SULT1C3: variants seen among roughly 807,000 people sequenced by gnomAD.
SULT1C3 encodes the protein sulfotransferase family 1C member 3.
A neutral mutation model predicts 28.4 loss-of-function variants in SULT1C3; 31 were observed. The observed-to-expected ratio is 1.09, with a 90% CI of 0.82 to 1.47. SULT1C3 has a LOEUF of 1.47. Among genes scored for constraint, SULT1C3 ranks in the 40% most tolerant of loss-of-function variants. SULT1C3 has a pLI of 0.00. For missense variants in SULT1C3, 307 were observed against 272.5 expected (o/e 1.13, Z -0.89); for synonymous variants, 106 against 92.2 (o/e 1.15, Z -0.86).
intron 2 of SULT1C3, among the ~76,000 whole-genome samples, chr2:108,248,826 C>T (rs184665626): frequency 4.9e-4 from 74 of 152,204 alleles, no homozygotes; most frequent in African/African-American, 1.7e-3. Context: ...TTTGCAGTTG[C>T]TATTAAACTA....
At chr2:108,254,771 A>G (rs1249282686) in intron 4 of SULT1C3, among the ~76,000 whole-genome samples, 1 of 150,038 alleles carries the variant, frequency 6.7e-6, no homozygotes, top group South Asian at 2.1e-4. Flanking sequence ...ATATGTATGT[A>G]TGCATATATA....
downstream of SULT1C3, among the ~76,000 whole-genome samples, chr2:108,260,908 T>G (rs1347079939): frequency 6.6e-6 from 1 of 152,128 alleles, no homozygotes; most frequent in Admixed American, 6.5e-5. Context: ...CATGAGTTTT[T>G]TTGTTTGTTT....
chr2:108,265,272 T>G (rs1244283234), downstream of SULT1C3: 1 of 1,613,936 alleles, frequency 6.2e-7, no homozygotes, highest in Non-Finnish European at 8.5e-7. Flanking sequence ...TATTTTACTG[T>G]GGCCCAAAAT....
rs1276472690 is a variant in SULT1C3 at position 108,258,757 on chromosome 2, C to A, written c.550C>A (p.His184Asn). 1 of 1,612,698 alleles carries A rather than the reference C, an allele frequency of 6.2e-7. No homozygotes were observed. Among genetic ancestry groups the A allele is most frequent in the Non-Finnish European group, 8.5e-7 (1 of 1,179,282 alleles). Residue 184 changes from histidine (H) to asparagine (N), a missense_variant, in exon 6 of 8, where the codon CAT becomes AAT. Transcript: ENST00000681802. ...AGTTGTTGGCGGGTCCTGGTTTGAC[C>A]ATGTGAAAGGATGGTGGGCTGCAAA... ...GKVVGGSWFD[H>N]VKGWWAAKDM...
At position 108,260,877 on chromosome 2, in the gene SULT1C3, T is replaced by C. The variant is rs1344986901; in HGVS notation, c.*197T>C. Among the ~76,000 whole-genome samples the C allele has an allele frequency of 6.6e-6, 1 of 152,098 alleles. No individual in the cohort carries two copies. Among genetic ancestry groups the C allele is most frequent in the Non-Finnish European group, 1.5e-5 (1 of 68,000 alleles). ...TACTCCAGTAAATAAAATAAGAGAA[T>C]TAGAGAGCAGAGTCCGCCTACATGA... On this transcript the variant is annotated 3_prime_UTR_variant, in exon 8 of 8. Coordinates refer to ENST00000681802, the MANE Select transcript of SULT1C3 (RefSeq NM_001320878.2).
At position 108,247,382 on chromosome 2, in the gene SULT1C3, C is replaced by A; in HGVS notation, c.172+16C>A. 1 of 1,511,320 alleles carries A rather than the reference C, an allele frequency of 6.6e-7. No individual in the cohort carries two copies. The highest frequency in any genetic ancestry group is 8.9e-7 in the Non-Finnish European group (1 of 1,125,822). The allele number at this position is 1,511,320 out of a possible 1,614,324, so 93.6% of individuals were successfully genotyped here. A position where few individuals can be genotyped will look rare whatever the true frequency, so the allele number is the denominator to read the frequency against. ...CCAAAGTCAGGTAAGGGTAGCAAAA[C>A]ATAAAAATATTCAATATTTTCACGT... On this transcript the variant is annotated intron_variant, in intron 2 of 7. Coordinates refer to ENST00000681802, the MANE Select transcript of SULT1C3 (RefSeq NM_001320878.2).
rs1676007568 is a variant in SULT1C3 at position 108,260,843 on chromosome 2, C to A, written c.*163C>A. Among the ~76,000 whole-genome samples the A allele has an allele frequency of 6.6e-6, 1 of 152,104 alleles. No individual in the cohort carries two copies. Among genetic ancestry groups the A allele is most frequent in the South Asian group, 2.1e-4 (1 of 4,824 alleles). ...ATTAAAACATGATTTAAAATATCAA[C>A]AAACCAGTTACTCCAGTAAATAAAA... On this transcript the variant is annotated 3_prime_UTR_variant, in exon 8 of 8. Coordinates refer to ENST00000681802, the MANE Select transcript of SULT1C3 (RefSeq NM_001320878.2).
At chr2:108,241,569 T>G (rs1675460898) in intron 1 of SULT1C3, among the ~76,000 whole-genome samples, 1 of 152,238 alleles carries the variant, frequency 6.6e-6, no homozygotes, top group Admixed American at 6.5e-5. Flanking sequence ...TGCTTGATAT[T>G]TAAGGAACAA....
At chr2:108,264,729 C>CT, downstream of SULT1C3, 2 of 1,230,984 alleles carry the variant, frequency 1.6e-6, no homozygotes, top group Non-Finnish European at 2.3e-6. Context: ...TCAAATGATC[C>CT]TTTAACTCAT....
At chr2:108,251,200 G>A (rs966892784) in intron 2 of SULT1C3, among the ~76,000 whole-genome samples, 1 of 151,982 alleles carries the variant, frequency 6.6e-6, no homozygotes, top group East Asian at 1.9e-4. Flanking sequence ...TGATTTATGA[G>A]GGAAAGTTCT....
intron 1 of SULT1C3, among the ~76,000 whole-genome samples, chr2:108,243,603 G>T (rs1053497896): frequency 6.7e-6 from 1 of 150,170 alleles, no homozygotes; most frequent in African/African-American, 2.5e-5. Flanking sequence ...TGCACTCCAG[G>T]CTGGGTGACA....
At chr2:108,255,206 T>C (rs1675837945) in intron 4 of SULT1C3, among the ~76,000 whole-genome samples, 1 of 152,036 alleles carries the variant, frequency 6.6e-6, no homozygotes. Context: ...CACCATTTCA[T>C]GGCCCATTCC....
intron 1 of SULT1C3, among the ~76,000 whole-genome samples, chr2:108,242,634 T>C (rs1386086974): frequency 1.3e-5 from 2 of 152,224 alleles, no homozygotes; most frequent in East Asian, 3.8e-4. Context: ...TGTGAAGTAA[T>C]GTGAAACCCC....
intron 7 of SULT1C3, 93 bp from the exon 8 acceptor site, chr2:108,260,475 A>T: frequency 2.8e-6 from 1 of 362,002 alleles, no homozygotes; most frequent in Non-Finnish European, 5.6e-6. Context: ...ACTCATGGGA[A>T]AATCACGTGG....
intron 1 of SULT1C3, among the ~76,000 whole-genome samples, chr2:108,243,120 G>A (rs1246021043): frequency 6.6e-6 from 1 of 152,188 alleles, no homozygotes; most frequent in Non-Finnish European, 1.5e-5. Flanking sequence ...AACCGTGAGT[G>A]TGCAAGGCAT....
chr2:108,264,239 G>T (rs977274471), downstream of SULT1C3, among the ~76,000 whole-genome samples: 3 of 152,164 alleles, frequency 2.0e-5, no homozygotes, highest in Non-Finnish European at 2.9e-5. Context: ...CATCTGAGAT[G>T]TCCTCAGAAA....
intron 3 of SULT1C3, 48 bp downstream of exon 3, chr2:108,252,541 A>G: frequency 6.2e-7 from 1 of 1,606,136 alleles, no homozygotes; most frequent in Non-Finnish European, 8.5e-7. Context: ...TCAGGATTCC[A>G]GAGCAATGTG....
At position 108,255,571 on chromosome 2, in the gene SULT1C3, G is replaced by C; in HGVS notation, c.400-1G>C. ...GCTTCCTTCCCTCTCCTTGATTTCA[G>C]ATTGTCTATGTGGCCAGAAATCCCA... On this transcript the variant is annotated splice_acceptor_variant, in intron 4 of 7. Transcript: ENST00000681802. LOFTEE classifies it high-confidence loss of function. 1 of 1,609,402 alleles carries C rather than the reference G, an allele frequency of 6.2e-7. No individual in the cohort carries two copies. Among genetic ancestry groups the C allele is most frequent in the East Asian group, 2.2e-5 (1 of 44,748 alleles).
chr2:108,252,436 C>G lies in SULT1C3; in HGVS notation c.244C>G (p.Gln82Glu). The G allele has an allele frequency of 6.2e-7, 1 of 1,612,340 alleles. No homozygotes were observed. The highest frequency in any genetic ancestry group is 8.5e-7 in the Non-Finnish European group (1 of 1,179,060). Residue 82 changes from glutamine to glutamate, a missense_variant, in exon 3 of 8, where the codon CAG becomes GAG. Physicochemically the swap from Gln to Glu is conservative, Grantham distance 29 (BLOSUM62 2). Transcript: ENST00000681802. ...DGDVEKCKRAQTLDRHAFLEL... is the reference protein window; with the variant it reads ...DGDVEKCKRAETLDRHAFLEL... ...TGATGTGGAGAAATGCAAAAGAGCC[C>G]AGACTCTAGATAGACACGCTTTCCT...
Sources: gnomAD v4.1 joint callset for allele counts (sites outside exome capture counted in the v4.1 genomes callset) on GRCh38, gnomAD v4.1.1 for gene constraint, MANE v1.5 for transcripts, NCBI Gene and HGNC (gene_info 2026-07-23, HGNC 2026-07-21) for gene names.